The following SDK2 variants were observed in gnomAD, a reference collection of about 807,000 sequenced individuals.
SDK2 encodes the protein sidekick cell adhesion molecule 2.
A neutral mutation model predicts 253.9 loss-of-function variants in SDK2; 105 were observed. That is an observed-to-expected ratio of 0.41 (90% CI 0.35 to 0.49). The LOEUF is 0.49. SDK2 is among the 20% of genes least tolerant of loss of function. The probability of loss-of-function intolerance (pLI) is 0.06; values close to 1 mark genes in which losing one functional copy is unlikely to be tolerated. For missense variants in SDK2, 2,608 were observed against 3,003.0 expected (o/e 0.87, Z 3.07); for synonymous variants, 1,249 against 1,234.9 (o/e 1.01, Z -0.24).
chr17:73,561,661 A>C (rs1180412109), intron 1 of SDK2, among the ~76,000 whole-genome samples: 1 of 152,204 alleles, frequency 6.6e-6, no homozygotes, highest in Non-Finnish European at 1.5e-5. Context: ...GGCCAGGAAC[A>C]AGTAGAGTGG....
chr17:73,481,164 G>A lies in SDK2; in HGVS notation c.225-8946C>T, dbSNP rs535143135. Among the ~76,000 whole-genome samples, 9 of 152,166 alleles carry A rather than the reference G, an allele frequency of 5.9e-5. No homozygotes were observed. The highest frequency in any genetic ancestry group is 1.9e-4 in the East Asian group (1 of 5,180). ...AGGCAAGCCCAGGCGAGCTGAGCAC[G>A]GGGTTCCAGAATCCTTGGAAGGTGG... On this transcript the variant is annotated intron_variant, in intron 2 of 44. Coordinates refer to ENST00000392650, the MANE Select transcript of SDK2 (RefSeq NM_001144952.2). The surrounding 1 kb of genome is among the most constrained non-coding windows in gnomAD (Gnocchi z 4.5).
chr17:73,405,632 G>T (rs71380176), intron 18 of SDK2, among the ~76,000 whole-genome samples: 1 of 149,548 alleles, frequency 6.7e-6, no homozygotes, highest in Non-Finnish European at 1.5e-5. Context: ...TTCCAGGACC[G>T]CCCGCAGATA....
Position 73,390,276 on chromosome 17 carries a change from T to C in SDK2, c.4192+11A>G, listed in dbSNP as rs372627552. 7.1e-6 allele frequency: 11 copies of C among 1,557,618 alleles called. No homozygotes were observed. The highest frequency in any genetic ancestry group is 1.9e-5 in the Admixed American group (1 of 52,890). On this transcript the variant is annotated intron_variant, in intron 29 of 44. Coordinates refer to ENST00000392650, the MANE Select transcript of SDK2 (RefSeq NM_001144952.2). ...GCCCCCAAGCCTTCCCTGGCCCCCG[T>C]GGGCAGTCACCTCTCTTCTCGGTGG... is the stretch of plus-strand genomic sequence containing the variant.
chr17:73,631,771 G>A (rs777814220), intron 1 of SDK2, among the ~76,000 whole-genome samples: 36 of 152,218 alleles, frequency 2.4e-4, no homozygotes, highest in Non-Finnish European at 4.3e-4. Flanking sequence ...TTTGCAAGGG[G>A]CTGGTCTTCT....
At chr17:73,339,076 G>T in intron 44 of SDK2, 136 bp from the exon 45 acceptor site, 2 of 768,392 alleles carry the variant, frequency 2.6e-6, no homozygotes, top group Non-Finnish European at 4.3e-6. Flanking sequence ...GGGCCTCCCA[G>T]CCCCCTCACT....
Position 73,378,333 on chromosome 17 carries a change from C to A in SDK2, c.4980+844G>T, listed in dbSNP as rs368441750. 1.1e-3 allele frequency among the ~76,000 whole-genome samples: 171 copies of A among 152,172 alleles called. 4 individuals carry two copies. In the South Asian group the frequency reaches 0.035, roughly 31 times the overall value. On this transcript the variant is annotated intron_variant, in intron 36 of 44. Coordinates refer to ENST00000392650, the MANE Select transcript of SDK2 (RefSeq NM_001144952.2). ...CCCAGGCTGTTCTGTAACTCCTGAGCTCAAGTGATCCGCCCACCTTGGCCT... is the reference window on the plus strand; with the variant it reads ...CCCAGGCTGTTCTGTAACTCCTGAGATCAAGTGATCCGCCCACCTTGGCCT...
rs1251000485 is a variant in SDK2, at chr17:73,534,328, C to T, written c.65-26731G>A. 6.6e-6 allele frequency among the ~76,000 whole-genome samples: 1 copy of T among 152,146 alleles called. No homozygotes were observed. Among genetic ancestry groups the T allele is most frequent in the Admixed American group, 6.5e-5 (1 of 15,270 alleles). ...CATTAAATAGCTGGCGGCAGGGAGA[C>T]ACAGCTGTCCATGATTCTGAGGAAG... On this transcript the variant is annotated intron_variant, in intron 1 of 44. Coordinates refer to ENST00000392650, the MANE Select transcript of SDK2 (RefSeq NM_001144952.2). The surrounding 1 kb of genome is among the most constrained non-coding windows in gnomAD (Gnocchi z 4.9).
intron 2 of SDK2, among the ~76,000 whole-genome samples, chr17:73,487,298 A>G (rs1472207823): frequency 1.3e-5 from 2 of 152,240 alleles, no homozygotes; most frequent in Non-Finnish European, 2.9e-5. Context: ...AGGGCTCAGT[A>G]GCCTTATGGA....
Position 73,338,998 on chromosome 17 carries a change from T to C in SDK2, c.6166-58A>G, listed in dbSNP as rs1034996235. 7.0e-5 allele frequency: 105 copies of C among 1,499,882 alleles called. No homozygotes were observed. Among genetic ancestry groups the C allele is most frequent in the Non-Finnish European group, 9.5e-5 (103 of 1,079,130 alleles). The allele number at this position is 1,499,882 out of a possible 1,614,324, so 92.9% of individuals were successfully genotyped here. ...GCCCCGTAGGGACAGGCCATTGTGG[T>C]TGGGGCCGGAAGGCACAGGGCATTC... On this transcript the variant is annotated intron_variant, in intron 44 of 44. Coordinates refer to ENST00000392650, the MANE Select transcript of SDK2 (RefSeq NM_001144952.2). The surrounding 1 kb of genome is among the most constrained non-coding windows in gnomAD (Gnocchi z 5.0).
intron 18 of SDK2, among the ~76,000 whole-genome samples, chr17:73,408,895 TGATATTACAGG>T (rs754524793): frequency 9.9e-5 from 15 of 152,230 alleles, no homozygotes; most frequent in Non-Finnish European, 2.2e-4. Flanking sequence ...GGATATCTGA[TGATATTACAGG>T]GCCTGCTGAT....
At chr17:73,351,786 C>G (rs2062541040) in intron 41 of SDK2, among the ~76,000 whole-genome samples, 1 of 152,098 alleles carries the variant, frequency 6.6e-6, no homozygotes, top group Non-Finnish European at 1.5e-5. Context: ...TGAAGCACTT[C>G]TGTCCCAGGA....
intron 1 of SDK2, among the ~76,000 whole-genome samples, chr17:73,602,808 G>A (rs576736922): frequency 9.9e-5 from 15 of 152,054 alleles, no homozygotes; most frequent in Admixed American, 3.3e-4. Flanking sequence ...CTCACTGCAA[G>A]CTCCACCTCC....
chr17:73,509,523 C>G (rs2063961515), intron 1 of SDK2, among the ~76,000 whole-genome samples: 1 of 151,424 alleles, frequency 6.6e-6, no homozygotes, highest in Non-Finnish European at 1.5e-5. Context: ...GCCATGGTGG[C>G]TCATGCCTGT....
chr17:73,357,155 T>C (rs1435479150), intron 40 of SDK2, among the ~76,000 whole-genome samples: 1 of 152,318 alleles, frequency 6.6e-6, no homozygotes, highest in Non-Finnish European at 1.5e-5. Context: ...TATTAGCATG[T>C]GATTAAGGCA....
At chr17:73,434,878 C>G (rs141945996) in intron 9 of SDK2, among the ~76,000 whole-genome samples, 1,543 of 152,252 alleles carry the variant, frequency 0.01, 29 homozygotes, top group African/African-American at 0.036. Context: ...GATCCACCCC[C>G]CTCGACCTCC....
intron 1 of SDK2, among the ~76,000 whole-genome samples, chr17:73,574,741 C>T (rs371162211): frequency 6.6e-6 from 1 of 152,258 alleles, no homozygotes; most frequent in African/African-American, 2.4e-5. Context: ...CCTCTCTAGA[C>T]ACTTTCTACC....
intron 4 of SDK2, among the ~76,000 whole-genome samples, chr17:73,450,381 C>T (rs1000508365): frequency 2.0e-5 from 3 of 152,322 alleles, no homozygotes; most frequent in Middle Eastern, 3.4e-3. Context: ...GCCCTGCAGC[C>T]CGCCACCTGT....
At chr17:73,547,536 G>A (rs1021804493) in intron 1 of SDK2, among the ~76,000 whole-genome samples, 5 of 152,156 alleles carry the variant, frequency 3.3e-5, no homozygotes, top group Non-Finnish European at 5.9e-5. Context: ...CGGGGGATGG[G>A]GACAGCGGAG....
intron 1 of SDK2, among the ~76,000 whole-genome samples, chr17:73,585,600 T>C (rs977842722): frequency 6.6e-6 from 1 of 152,202 alleles, no homozygotes; most frequent in Admixed American, 6.5e-5. Flanking sequence ...GGGGAAATAC[T>C]GGCTAAAACC....
Sources: gnomAD v4.1 joint callset for allele counts (sites outside exome capture counted in the v4.1 genomes callset) on GRCh38, gnomAD v4.1.1 for gene constraint, Gnocchi (gnomAD v3.1) non-coding constraint, MANE v1.5 for transcripts, NCBI Gene and HGNC (gene_info 2026-07-23, HGNC 2026-07-21) for gene names.